GUCY2F: variants seen among roughly 807,000 people sequenced by gnomAD.
GUCY2F encodes guanylate cyclase 2F, retinal.
GUCY2F carries 61 observed loss-of-function variants against 73.1 expected under a neutral mutation model. The observed-to-expected ratio is 0.83, with a 90% CI of 0.68 to 1.03. The LOEUF is 1.03. Among genes scored for constraint, GUCY2F ranks in the 50% least tolerant of loss-of-function variants. The pLI is 0.00. For synonymous variants in GUCY2F, 331 were observed against 307.8 expected (o/e 1.08, Z -0.79); for missense variants, 912 against 854.3 (o/e 1.07, Z -0.84).
chrX:109,423,733 G>C (rs1349930480), intron 8 of GUCY2F, among the ~76,000 whole-genome samples: 1 of 108,019 alleles, frequency 9.3e-6, no homozygotes, highest in African/African-American at 3.4e-5. Flanking sequence ...AAAAATTTCT[G>C]GGTGGTAGCT....
chrX:109,413,235 C>T (rs1003672306), intron 8 of GUCY2F, among the ~76,000 whole-genome samples: 2 of 111,600 alleles, frequency 1.8e-5, no homozygotes, highest in African/African-American at 3.3e-5. Flanking sequence ...TCTGGACAAC[C>T]CCAGGATGCA....
At chrX:109,463,372 G>T (rs1487629273) in intron 3 of GUCY2F, among the ~76,000 whole-genome samples, 1 of 109,774 alleles carries the variant, frequency 9.1e-6, no homozygotes, top group African/African-American at 3.3e-5. Flanking sequence ...GGACACAATC[G>T]TGACAAACAA....
At chrX:109,435,103 A>G (rs1394820830) in intron 7 of GUCY2F, among the ~76,000 whole-genome samples, 1 of 111,152 alleles carries the variant, frequency 9.0e-6, no homozygotes, top group African/African-American at 3.3e-5. Flanking sequence ...TTGACTTGGC[A>G]ATGCGGGCTC....
At chrX:109,453,927 G>GATCC (rs1932200020) in intron 3 of GUCY2F, 68 bp from the exon 4 acceptor site, 1 of 587,004 alleles carries the variant, frequency 1.7e-6, no homozygotes, top group African/African-American at 2.3e-5. Flanking sequence ...TATATTCCAA[G>GATCC]CCTGTGTTCA....
intron 7 of GUCY2F, among the ~76,000 whole-genome samples, chrX:109,434,851 A>C (rs764194592): frequency 5.1e-4 from 57 of 111,157 alleles, no homozygotes; most frequent in African/African-American, 1.2e-3. Flanking sequence ...ATATGGCTAG[A>C]CAGTTTTCCC....
At chrX:109,474,782 T>C (rs1019626863) in intron 2 of GUCY2F, among the ~76,000 whole-genome samples, 2 of 111,471 alleles carry the variant, frequency 1.8e-5, no homozygotes, top group Admixed American at 9.5e-5. Flanking sequence ...AAGGAAAGTA[T>C]CCAGAAGGGA....
intron 9 of GUCY2F, among the ~76,000 whole-genome samples, 191 bp from the exon 10 acceptor site, chrX:109,404,675 A>G (rs960801169): frequency 3.6e-5 from 4 of 112,251 alleles, no homozygotes; most frequent in African/African-American, 1.3e-4. Context: ...CTAAAATTTT[A>G]TGCTTTGATA....
intron 7 of GUCY2F, among the ~76,000 whole-genome samples, chrX:109,435,107 C>A (rs1337875679): frequency 9.0e-6 from 1 of 111,131 alleles, no homozygotes; most frequent in African/African-American, 3.3e-5. Flanking sequence ...CTTGGCAATG[C>A]GGGCTCTTTT....
intron 7 of GUCY2F, among the ~76,000 whole-genome samples, chrX:109,438,927 T>C (rs1931812525): frequency 8.9e-6 from 1 of 112,845 alleles, no homozygotes; most frequent in Admixed American, 9.3e-5. Context: ...GGTATTGTTC[T>C]AATGGGGACT....
chrX:109,380,314 G>C (rs765276572), intron 17 of GUCY2F, among the ~76,000 whole-genome samples: 1 of 111,551 alleles, frequency 9.0e-6, no homozygotes, highest in African/African-American at 3.3e-5. Context: ...GTGTGCTGGC[G>C]ACATGGTCTT....
At chrX:109,435,364 T>C (rs1211082089) in intron 7 of GUCY2F, among the ~76,000 whole-genome samples, 1 of 105,653 alleles carries the variant, frequency 9.5e-6, no homozygotes, top group African/African-American at 3.5e-5. Context: ...GTTGGATTCC[T>C]AGGTATTTTA....
intron 10 of GUCY2F, among the ~76,000 whole-genome samples, chrX:109,400,089 A>C (rs1263295901): frequency 1.8e-5 from 2 of 109,903 alleles, no homozygotes; most frequent in East Asian, 5.7e-4. Context: ...ATTTGATGAA[A>C]GCCCTGTTTG....
intron 6 of GUCY2F, among the ~76,000 whole-genome samples, chrX:109,447,567 T>G (rs890234737): frequency 7.3e-5 from 7 of 95,388 alleles, no homozygotes; most frequent in Admixed American, 1.3e-4. Context: ...TAGGTGGGAA[T>G]TGAACAGTGA....
At chrX:109,390,148 A>G (rs1037184507) in intron 14 of GUCY2F, among the ~76,000 whole-genome samples, 8 of 111,460 alleles carry the variant, frequency 7.2e-5, no homozygotes, top group African/African-American at 2.6e-4. Flanking sequence ...GATATGGATG[A>G]GGAGATTAGA....
chrX:109,444,938 T>G (rs1400655620), intron 6 of GUCY2F, among the ~76,000 whole-genome samples: 1 of 111,727 alleles, frequency 9.0e-6, no homozygotes, highest in Admixed American at 9.5e-5. Context: ...GTTTGTGACC[T>G]AAATAAACCC....
At chrX:109,442,176 A>T (rs1449784484) in intron 6 of GUCY2F, among the ~76,000 whole-genome samples, 2 of 111,918 alleles carry the variant, frequency 1.8e-5, no homozygotes, top group African/African-American at 6.5e-5. Context: ...GTTGAATGAC[A>T]AGAGGAAGAG....
chrX:109,389,796 A>T (rs1265088616), intron 14 of GUCY2F, among the ~76,000 whole-genome samples: 1 of 111,743 alleles, frequency 8.9e-6, no homozygotes, highest in Non-Finnish European at 1.9e-5. Flanking sequence ...AAATAGGTAC[A>T]TCTTGAAACC....
chrX:109,452,057 G>A lies in GUCY2F; in HGVS notation c.1438C>T (p.Leu480=). Residue 480 remains leucine (L), a synonymous_variant, in exon 5 of 20, where the codon CTG becomes TTG. Coordinates refer to ENST00000218006, the MANE Select transcript of GUCY2F (RefSeq NM_001522.3). ...MMVCLTLLIA[L]LSINGFAYFI... ...TAAGCAAATCCATTAATAGACAGCA[G>A]GGCTATAAGCAAAGTAAGGCAGACC... is the stretch of plus-strand genomic sequence containing the variant. The A allele has an allele frequency of 2.7e-6, 3 of 1,117,287 alleles. No individual in the cohort carries two copies. Among genetic ancestry groups the A allele is most frequent in the Non-Finnish European group, 3.7e-6 (3 of 809,706 alleles). The allele number at this position is 1,117,287 out of a possible 1,213,427, so 92.1% of individuals were successfully genotyped here.
intron 1 of GUCY2F, among the ~76,000 whole-genome samples, chrX:109,476,723 A>AAGATAGATAGAT (rs3831757): frequency 3.4e-4 from 33 of 96,448 alleles, no homozygotes; most frequent in Non-Finnish European, 5.3e-4. Context: ...CCCAGAGGTA[A>AAGATAGATAGAT]AGATAGATAG....
Sources: allele counts gnomAD v4.1 joint callset (sites outside exome capture counted in the v4.1 genomes callset), GRCh38; gene constraint gnomAD v4.1.1; transcripts MANE v1.5; gene names NCBI Gene and HGNC (gene_info 2026-07-23, HGNC 2026-07-21).